CNBD1: variants seen among roughly 807,000 people sequenced by gnomAD.
CNBD1 encodes the protein cyclic nucleotide binding domain containing 1, also known as cyclic nucleotide-binding domain-containing protein 1.
In CNBD1, 71 loss-of-function variants were observed where a neutral mutation model predicts 54.4. The observed-to-expected ratio is 1.30, with a 90% CI of 1.08 to 1.59. CNBD1 has a LOEUF of 1.59. Ranked by LOEUF, CNBD1 falls within the 40% of genes most tolerant of loss-of-function variation. CNBD1 has a pLI of 0.00. For synonymous variants in CNBD1, 182 were observed against 170.7 expected (o/e 1.07, Z -0.51); for missense variants, 659 against 518.0 (o/e 1.27, Z -2.64).
chr8:87,169,743 C>T (rs1410470251), intron 4 of CNBD1, among the ~76,000 whole-genome samples: 1 of 151,904 alleles, frequency 6.6e-6, no homozygotes, highest in Non-Finnish European at 1.5e-5. Context: ...TTTTTGGGTT[C>T]TCTACTGTTA....
chr8:87,145,506 A>G (rs2130742885), intron 4 of CNBD1, among the ~76,000 whole-genome samples: 1 of 152,324 alleles, frequency 6.6e-6, no homozygotes, highest in South Asian at 2.1e-4. Context: ...CAAATAATCT[A>G]GATAACATAA....
At chr8:87,027,590 G>A (rs1809677589) in intron 4 of CNBD1, among the ~76,000 whole-genome samples, 1 of 152,104 alleles carries the variant, frequency 6.6e-6, no homozygotes, top group Admixed American at 6.6e-5. Context: ...ATTTTTAAAG[G>A]CCAAACCTCT....
intron 4 of CNBD1, among the ~76,000 whole-genome samples, chr8:87,186,880 C>T (rs948071999): frequency 1.3e-5 from 2 of 151,974 alleles, no homozygotes; most frequent in African/African-American, 2.4e-5. Context: ...GATATACTAA[C>T]CACCTTAGCT....
rs566975667 is a variant in CNBD1 at position 87,127,530 on chromosome 8, T to TATTA, written c.432-78459_432-78456dup. Among the ~76,000 whole-genome samples the TATTA allele has an allele frequency of 1.2e-4, 18 of 152,190 alleles. No individual in the cohort carries two copies. In the South Asian group the frequency reaches 3.7e-3, roughly 32 times the overall value. On this transcript the variant is annotated intron_variant, in intron 4 of 10. Transcript: ENST00000518476. ...ATTCTACAACCTTACCAAAATCACA[T>TATTA]ATTAATTCCAGTGGATTTTTTCATA...
At chr8:87,212,168 G>A (rs1294540162) in intron 5 of CNBD1, among the ~76,000 whole-genome samples, 2 of 152,096 alleles carry the variant, frequency 1.3e-5, no homozygotes, top group African/African-American at 4.8e-5. Context: ...TTGTACAAAT[G>A]AAGTGCAAGA....
intron 6 of CNBD1, among the ~76,000 whole-genome samples, chr8:87,268,261 T>C (rs751520342): frequency 1.3e-5 from 2 of 152,156 alleles, no homozygotes; most frequent in Admixed American, 6.6e-5. Context: ...GATCCATTCA[T>C]GTTGCTGCAA....
At chr8:87,277,989 G>A (rs1323933011) in intron 6 of CNBD1, among the ~76,000 whole-genome samples, 4 of 151,460 alleles carry the variant, frequency 2.6e-5, no homozygotes, top group Non-Finnish European at 5.9e-5. Flanking sequence ...AACTAGAATT[G>A]TGAACAATAA....
intron 6 of CNBD1, among the ~76,000 whole-genome samples, chr8:87,254,921 A>G (rs1807981239): frequency 6.6e-6 from 1 of 152,152 alleles, no homozygotes; most frequent in Non-Finnish European, 1.5e-5. Context: ...TAAAAGCAAA[A>G]TACTTTTTTT....
At chr8:87,412,123 T>A (rs1477267504) in intron 2 of CNBD1, among the ~76,000 whole-genome samples, 2 of 151,934 alleles carry the variant, frequency 1.3e-5, no homozygotes, top group African/African-American at 2.4e-5. Flanking sequence ...GGAACCTGAG[T>A]TTTTTTCATT....
intron 6 of CNBD1, among the ~76,000 whole-genome samples, chr8:87,256,322 C>CA (rs1333229442): frequency 6.6e-6 from 1 of 151,204 alleles, no homozygotes; most frequent in Non-Finnish European, 1.5e-5. Flanking sequence ...GTGCCTGGCC[C>CA]AAAAATATAC....
downstream of CNBD1, among the ~76,000 whole-genome samples, chr8:87,384,148 A>C (rs1212952077): frequency 6.6e-6 from 1 of 152,056 alleles, no homozygotes; most frequent in African/African-American, 2.4e-5. Flanking sequence ...GGACAAGAAA[A>C]GTTTTAATTA....
At chr8:86,881,327 A>T (rs1012391081) in intron 1 of CNBD1, among the ~76,000 whole-genome samples, 2 of 152,214 alleles carry the variant, frequency 1.3e-5, no homozygotes, top group African/African-American at 4.8e-5. Flanking sequence ...AAGTCTCAGG[A>T]TACAGAATCA....
chr8:86,906,060 A>G (rs1809012475), intron 3 of CNBD1, among the ~76,000 whole-genome samples: 1 of 152,202 alleles, frequency 6.6e-6, no homozygotes, highest in South Asian at 2.1e-4. Flanking sequence ...TATTTCTGAC[A>G]TTTAGCAGAG....
chr8:87,351,807 C>T lies in CNBD1; in HGVS notation c.1152+13C>T. ...ATCAAATAAAGTGGTAAGTTTTCAA[C>T]ATGTATTCTTTTTAATCAATTAATC... On this transcript the variant is annotated intron_variant, in intron 9 of 10. Coordinates refer to ENST00000518476, the MANE Select transcript of CNBD1 (RefSeq NM_173538.3). The T allele has an allele frequency of 1.4e-6, 2 of 1,458,044 alleles. No homozygotes were observed. The highest frequency in any genetic ancestry group is 1.8e-6 in the Non-Finnish European group (2 of 1,107,728). 90.3% of individuals were successfully genotyped at this position (1,458,044 alleles called of 1,614,324 possible).
intron 3 of CNBD1, among the ~76,000 whole-genome samples, chr8:86,909,708 T>A (rs1809072830): frequency 1.3e-5 from 2 of 152,206 alleles, no homozygotes; most frequent in South Asian, 4.1e-4. Flanking sequence ...CTCTCCAAAC[T>A]TTATTGTCAG....
chr8:87,269,349 T>C (rs1485716818), intron 6 of CNBD1, among the ~76,000 whole-genome samples: 1 of 152,144 alleles, frequency 6.6e-6, no homozygotes, highest in African/African-American at 2.4e-5. Context: ...TGAAGTTAGA[T>C]AATGTGATGC....
In CNBD1 at chr8:86,973,538, C is replaced by G. The variant is rs192179989; in HGVS notation, c.431+33784C>G. Among the ~76,000 whole-genome samples the G allele has an allele frequency of 1.6e-4, 25 of 152,242 alleles. No individual in the cohort carries two copies. The East Asian group carries it at 4.8e-3, about 29-fold the overall frequency. On this transcript the variant is annotated intron_variant, in intron 4 of 10. Coordinates refer to ENST00000518476, the MANE Select transcript of CNBD1 (RefSeq NM_173538.3). ...AGAAATGTTTACATAATAAATGACTCTAGCTATTATTATTAGGAGTTAGCT... is the reference window on the plus strand; with the variant it reads ...AGAAATGTTTACATAATAAATGACTGTAGCTATTATTATTAGGAGTTAGCT...
intron 4 of CNBD1, among the ~76,000 whole-genome samples, chr8:87,167,568 A>G (rs965705558): frequency 6.6e-6 from 1 of 151,682 alleles, no homozygotes; most frequent in African/African-American, 2.4e-5. Context: ...ATTTTTTTTC[A>G]GTGGGTTTAA....
chr8:87,302,318 G>A (rs1204634446), intron 8 of CNBD1, among the ~76,000 whole-genome samples: 8 of 152,202 alleles, frequency 5.3e-5, no homozygotes, highest in Admixed American at 2.0e-4. Flanking sequence ...TCGCTGGGAT[G>A]CAAGGCTGGT....
Sources: gnomAD v4.1 joint callset for allele counts (sites outside exome capture counted in the v4.1 genomes callset) on GRCh38, gnomAD v4.1.1 for gene constraint, MANE v1.5 for transcripts, NCBI Gene and HGNC (gene_info 2026-07-23, HGNC 2026-07-21) for gene names.